The following MYO5B variants were observed in gnomAD, a reference collection of about 807,000 sequenced individuals.
The protein encoded by MYO5B is unconventional myosin-Vb.
A neutral mutation model predicts 229.3 loss-of-function variants in MYO5B; 143 were observed. The observed-to-expected ratio is 0.62, with a 90% CI of 0.54 to 0.72. MYO5B has a LOEUF of 0.72. Among genes scored for constraint, MYO5B ranks in the 30% least tolerant of loss-of-function variants. The probability of loss-of-function intolerance (pLI) is 0.00; values close to 1 mark genes in which losing one functional copy is unlikely to be tolerated. For synonymous variants in MYO5B, 918 were observed against 885.2 expected, an observed-to-expected ratio of 1.04 and a Z score of -0.66; for missense variants, 2,321 against 2,331.0, an observed-to-expected ratio of 1.00 and a Z score of 0.09.
Position 49,918,712 on chromosome 18 carries a change from G to A in MYO5B, c.2091-6539C>T, listed in dbSNP as rs184968012. ...GCAGAATTGTTTGGCCATGCTGTGA[G>A]GCATACCTACCAGGACCAACAGGCT... On this transcript the variant is annotated intron_variant, in intron 17 of 39. Transcript: ENST00000285039. 5.9e-5 allele frequency among the ~76,000 whole-genome samples: 9 copies of A among 152,312 alleles called. No individual in the cohort carries two copies. The East Asian group carries it at 1.5e-3, about 26-fold the overall frequency.
At chr18:49,910,881 C>A (rs2144158890) in intron 18 of MYO5B, among the ~76,000 whole-genome samples, 1 of 152,130 alleles carries the variant, frequency 6.6e-6, no homozygotes, top group Non-Finnish European at 1.5e-5. Context: ...ATAATTTAAC[C>A]TTTATCGAGC....
At chr18:50,006,884 G>A (rs2026107917) in intron 4 of MYO5B, among the ~76,000 whole-genome samples, 1 of 152,162 alleles carries the variant, frequency 6.6e-6, no homozygotes, top group African/African-American at 2.4e-5. Flanking sequence ...GGTTTCCTGA[G>A]GAGCATAATT....
At chr18:49,962,535 G>T in intron 11 of MYO5B, 129 bp from the exon 12 acceptor site, 2 of 1,317,386 alleles carry the variant, frequency 1.5e-6, no homozygotes, top group Non-Finnish European at 2.2e-6. Flanking sequence ...TGGATGCTAA[G>T]TCATAGTTAT....
chr18:49,874,228 A>G (rs2024490550), intron 26 of MYO5B, among the ~76,000 whole-genome samples: 1 of 152,226 alleles, frequency 6.6e-6, no homozygotes, highest in African/African-American at 2.4e-5. Flanking sequence ...GTTATTTTGG[A>G]GGAAAAAGAT....
intron 34 of MYO5B, among the ~76,000 whole-genome samples, chr18:49,842,647 T>C (rs2024072939): frequency 6.6e-6 from 1 of 152,230 alleles, no homozygotes; most frequent in Admixed American, 6.5e-5. Flanking sequence ...TCACCCTCCC[T>C]GCAGGCCAGC....
At chr18:50,185,186 T>C (rs2033130638) in intron 1 of MYO5B, among the ~76,000 whole-genome samples, 1 of 151,818 alleles carries the variant, frequency 6.6e-6, no homozygotes, top group African/African-American at 2.4e-5. Context: ...TTGTTCCCAG[T>C]GATCAATAAT....
chr18:49,971,175 C>A (rs1350593687), intron 10 of MYO5B, among the ~76,000 whole-genome samples: 5 of 152,104 alleles, frequency 3.3e-5, no homozygotes, highest in Admixed American at 3.3e-4. Flanking sequence ...ATGAAAAACT[C>A]CTTAGAATCA....
chr18:49,841,256 C>T (rs1568605004), intron 35 of MYO5B, 109 bp downstream of exon 35: 2 of 1,039,378 alleles, frequency 1.9e-6, no homozygotes, highest in East Asian at 2.4e-5. Flanking sequence ...GTCTGAGGTC[C>T]CCAAGGGTGC....
intron 37 of MYO5B, 110 bp downstream of exon 37, chr18:49,837,407 C>G (rs1282768503): frequency 7.5e-7 from 1 of 1,339,712 alleles, no homozygotes; most frequent in African/African-American, 1.4e-5. Flanking sequence ...CAAGGACTGT[C>G]AATTAGATTT....
chr18:50,031,370 C>T (rs1390100392), intron 4 of MYO5B, among the ~76,000 whole-genome samples: 1 of 152,132 alleles, frequency 6.6e-6, no homozygotes, highest in South Asian at 2.1e-4. Flanking sequence ...GTCTTCATGA[C>T]CTTGGAGAAC....
At chr18:50,161,195 T>G (rs1023117012) in intron 1 of MYO5B, among the ~76,000 whole-genome samples, 1 of 152,104 alleles carries the variant, frequency 6.6e-6, no homozygotes, top group Non-Finnish European at 1.5e-5. Flanking sequence ...ACCAGCCTGG[T>G]CAACATGGTG....
At chr18:50,091,836 T>A (rs571728569) in intron 1 of MYO5B, among the ~76,000 whole-genome samples, 1 of 152,312 alleles carries the variant, frequency 6.6e-6, no homozygotes, top group East Asian at 1.9e-4. Context: ...TTTTCAATGC[T>A]AATATACTAA....
At chr18:50,072,702 A>G (rs920301043) in intron 1 of MYO5B, among the ~76,000 whole-genome samples, 2 of 152,230 alleles carry the variant, frequency 1.3e-5, no homozygotes, top group African/African-American at 4.8e-5. Context: ...ATAAAAACAG[A>G]AAACATTAAT....
At chr18:49,911,059 C>T (rs559096670) in intron 18 of MYO5B, among the ~76,000 whole-genome samples, 1 of 152,208 alleles carries the variant, frequency 6.6e-6, no homozygotes, top group Admixed American at 6.5e-5. Context: ...AATCTATTGC[C>T]TTACTTAAAA....
intron 4 of MYO5B, among the ~76,000 whole-genome samples, chr18:50,012,991 A>G (rs531273196): frequency 3.9e-5 from 6 of 152,342 alleles, no homozygotes; most frequent in African/African-American, 1.2e-4. Context: ...TGGAACTCAG[A>G]GCAAGCACAC....
intron 27 of MYO5B, among the ~76,000 whole-genome samples, chr18:49,870,957 G>T (rs2024449591): frequency 6.6e-6 from 1 of 152,140 alleles, no homozygotes; most frequent in African/African-American, 2.4e-5. Context: ...ATACCTAAAA[G>T]AACTGAAAGC....
intron 1 of MYO5B, among the ~76,000 whole-genome samples, chr18:50,132,407 G>T (rs192950560): frequency 6.6e-6 from 1 of 152,078 alleles, no homozygotes; most frequent in Non-Finnish European, 1.5e-5. Flanking sequence ...TCCTTCTGTC[G>T]TTGTAAAGAT....
At position 49,853,777 on chromosome 18, in the gene MYO5B, T is replaced by G. The variant is rs2024229815; in HGVS notation, c.4023-130A>C. ...AGCGGTTGCACATCCCCCAGAGGGA[T>G]GAATGCAGCAGGAGACAGATGCCAT... is the stretch of plus-strand genomic sequence containing the variant. On this transcript the variant is annotated intron_variant, in intron 30 of 39. Coordinates refer to ENST00000285039, the MANE Select transcript of MYO5B (RefSeq NM_001080467.3). The G allele has an allele frequency of 7.3e-6, 6 of 825,188 alleles. No individual in the cohort carries two copies. The East Asian group carries it at 1.6e-4, about 22-fold the overall frequency. 51.1% of individuals were successfully genotyped at this position (825,188 alleles called of 1,614,324 possible).
At chr18:49,854,563 G>A (rs1236776050) in intron 30 of MYO5B, among the ~76,000 whole-genome samples, 1 of 152,222 alleles carries the variant, frequency 6.6e-6, no homozygotes, top group Non-Finnish European at 1.5e-5. Flanking sequence ...TCATATGGAA[G>A]AAAGCTAGGG....
Sources: allele counts gnomAD v4.1 joint callset (sites outside exome capture counted in the v4.1 genomes callset), GRCh38; gene constraint gnomAD v4.1.1; transcripts MANE v1.5; gene names NCBI Gene and HGNC (gene_info 2026-07-23, HGNC 2026-07-21).